Variants in CDH13 observed in about 807,000 individuals in gnomAD.
CDH13 encodes cadherin-13.
CDH13 carries 24 observed loss-of-function variants against 63.8 expected under a neutral mutation model. That is an observed-to-expected ratio of 0.38 (90% CI 0.27 to 0.53). The LOEUF (loss-of-function observed/expected upper bound fraction) is 0.53. Ranked by LOEUF, CDH13 falls within the 20% of genes least tolerant of loss-of-function variation. CDH13 has a pLI of 0.85. For synonymous variants in CDH13, 503 were observed against 355.3 expected, an observed-to-expected ratio of 1.42 and a Z score of -4.67; for missense variants, 1,049 against 903.1, an observed-to-expected ratio of 1.16 and a Z score of -2.07.
At position 83,697,225 on chromosome 16, in the gene CDH13, G is replaced by T. The variant is rs1246506509; in HGVS notation, c.1538+18764G>T. 2.0e-5 allele frequency among the ~76,000 whole-genome samples: 3 copies of T among 152,182 alleles called. No homozygotes were observed. The East Asian group carries it at 5.8e-4, about 29-fold the overall frequency. ...AACAGGGAAAAATTTGAGTTCACCT[G>T]ACGTGCACATTCACAGTTGAGCTCA... is the stretch of plus-strand genomic sequence containing the variant. On this transcript the variant is annotated intron_variant, in intron 10 of 13. Coordinates refer to ENST00000567109, the MANE Select transcript of CDH13 (RefSeq NM_001257.5).
intron 1 of CDH13, among the ~76,000 whole-genome samples, chr16:82,793,391 A>AAG (rs994311958): frequency 6.7e-6 from 1 of 149,988 alleles, no homozygotes; most frequent in African/African-American, 2.4e-5. Flanking sequence ...GAAAAAAAAA[A>AAG]TCACTCCACC....
At chr16:83,230,676 A>C (rs1034168119) in intron 5 of CDH13, among the ~76,000 whole-genome samples, 3 of 152,154 alleles carry the variant, frequency 2.0e-5, no homozygotes, top group Non-Finnish European at 4.4e-5. Flanking sequence ...AGTCCCAGCT[A>C]CTTGGGAGGC....
At chr16:82,827,235 G>T (rs2084527793) in intron 1 of CDH13, among the ~76,000 whole-genome samples, 1 of 152,146 alleles carries the variant, frequency 6.6e-6, no homozygotes, top group Non-Finnish European at 1.5e-5. Context: ...GAGAGAGAGT[G>T]GCATAAGCAT....
At chr16:82,853,729 A>G (rs2039583036) in intron 1 of CDH13, among the ~76,000 whole-genome samples, 1 of 152,204 alleles carries the variant, frequency 6.6e-6, no homozygotes, top group African/African-American at 2.4e-5. Flanking sequence ...TGTGCTTTCA[A>G]AGGTGTCTTG....
At chr16:83,017,733 A>G (rs1433809646) in intron 2 of CDH13, among the ~76,000 whole-genome samples, 2 of 152,196 alleles carry the variant, frequency 1.3e-5, no homozygotes, top group South Asian at 2.1e-4. Context: ...TTGTAGAGTG[A>G]CTTGAATATA....
intron 1 of CDH13, among the ~76,000 whole-genome samples, chr16:82,763,150 G>C (rs2034917687): frequency 6.6e-6 from 1 of 152,094 alleles, no homozygotes; most frequent in South Asian, 2.1e-4. Context: ...CTTGCTGCTT[G>C]ACCTGCCCCA....
chr16:82,910,138 C>T (rs1567653076), intron 2 of CDH13, among the ~76,000 whole-genome samples: 1 of 152,128 alleles, frequency 6.6e-6, no homozygotes, highest in Non-Finnish European at 1.5e-5. Flanking sequence ...CATCTGTGTC[C>T]CTGGGTGTCT....
chr16:83,252,139 T>TATAC (rs1567540127), intron 5 of CDH13, among the ~76,000 whole-genome samples: 1 of 3,976 alleles, frequency 2.5e-4, no homozygotes, highest in Non-Finnish European at 9.1e-4. Flanking sequence ...CATATATATG[T>TATAC]ATATATATAT....
intron 1 of CDH13, among the ~76,000 whole-genome samples, chr16:82,780,586 T>C (rs1226267299): frequency 3.9e-5 from 6 of 152,244 alleles, no homozygotes; most frequent in Admixed American, 3.9e-4. Context: ...ATTTAATATT[T>C]TGATCATTTA....
chr16:83,265,105 T>C (rs1198867863), intron 5 of CDH13, among the ~76,000 whole-genome samples: 4 of 152,248 alleles, frequency 2.6e-5, no homozygotes, highest in Non-Finnish European at 4.4e-5. Context: ...TGTCAATGTC[T>C]TTAAATGTCT....
At chr16:83,101,722 A>C (rs2034487649) in intron 3 of CDH13, among the ~76,000 whole-genome samples, 1 of 152,192 alleles carries the variant, frequency 6.6e-6, no homozygotes, top group South Asian at 2.1e-4. Context: ...TGAACCTGGG[A>C]GGCAGAGGTT....
rs541538226 is a variant in CDH13 at position 83,243,990 on chromosome 16, G to A, written c.636+26493G>A. ...TCAGCATTGTAGGAAGGGCTTTCAT[G>A]GAACCATATAAATTCATCTCTCTAG... is the stretch of plus-strand genomic sequence containing the variant. On this transcript the variant is annotated intron_variant, in intron 5 of 13. Transcript: ENST00000567109. Among the ~76,000 whole-genome samples, 7 of 152,184 alleles carry A rather than the reference G, an allele frequency of 4.6e-5. No homozygotes were observed. The East Asian group carries it at 9.7e-4, about 21-fold the overall frequency.
At chr16:83,434,877 GTGTGTA>G (rs1226240253) in intron 6 of CDH13, among the ~76,000 whole-genome samples, 159 of 92,332 alleles carry the variant, frequency 1.7e-3, no homozygotes, top group Non-Finnish European at 2.6e-3. Flanking sequence ...GTGTGTGTGT[GTGTGTA>G]TGTGTATTTA....
intron 5 of CDH13, among the ~76,000 whole-genome samples, chr16:83,279,473 T>A (rs1049578085): frequency 6.6e-6 from 1 of 152,160 alleles, no homozygotes; most frequent in Admixed American, 6.5e-5. Flanking sequence ...AGGGGGAACA[T>A]TAAAATCATT....
rs148819299 is a variant in CDH13, at chr16:83,028,376, A to G, written c.158-3634A>G. Among the ~76,000 whole-genome samples the G allele has an allele frequency of 4.7e-3, 711 of 152,318 alleles. 7 individuals carry two copies. Among genetic ancestry groups the G allele is most frequent in the African/African-American group, 0.016 (677 of 41,580 alleles). On this transcript the variant is annotated intron_variant, in intron 2 of 13. Transcript: ENST00000567109. ...GTCCTGAGAGTCCACTTGTGTGTCC[A>G]TGCAAAGATGGCTCTAAAGCTGACT...
intron 7 of CDH13, among the ~76,000 whole-genome samples, chr16:83,550,483 G>C (rs34457970): frequency 0.36 from 54,924 of 151,852 alleles, 10,073 homozygotes; most frequent in Middle Eastern, 0.43. Flanking sequence ...GGAGACAATT[G>C]ATTGATAGGA....
chr16:82,709,782 T>C (rs1720250302), intron 1 of CDH13, among the ~76,000 whole-genome samples: 1 of 152,100 alleles, frequency 6.6e-6, no homozygotes, highest in Admixed American at 6.6e-5. Context: ...GGCCATCCTG[T>C]TTCCTGTGGC....
intron 2 of CDH13, among the ~76,000 whole-genome samples, chr16:82,887,619 G>A (rs1352843144): frequency 6.6e-6 from 1 of 152,156 alleles, no homozygotes; most frequent in East Asian, 1.9e-4. Context: ...TCAGGAGTTC[G>A]AGACGAGTCT....
intron 6 of CDH13, among the ~76,000 whole-genome samples, chr16:83,385,218 A>T (rs993353706): frequency 2.0e-5 from 3 of 152,244 alleles, no homozygotes; most frequent in African/African-American, 7.2e-5. Flanking sequence ...AATGAGAGAG[A>T]ATCATTGTTT....
Sources: allele counts gnomAD v4.1 joint callset (sites outside exome capture counted in the v4.1 genomes callset), GRCh38; gene constraint gnomAD v4.1.1; transcripts MANE v1.5; gene names NCBI Gene and HGNC (gene_info 2026-07-23, HGNC 2026-07-21).